CAVIN3: variants seen among roughly 807,000 people sequenced by gnomAD.
CAVIN3 encodes the protein caveolae associated protein 3, also known as caveolae-associated protein 3.
A neutral mutation model predicts 8.2 loss-of-function variants in CAVIN3; 11 were observed. The ratio of observed to expected loss-of-function variants is 1.35; its 90% CI spans 0.85 to 2.23. The LOEUF is 2.23. Ranked by LOEUF, CAVIN3 falls within the 30% of genes most tolerant of loss-of-function variation. The pLI, the probability that CAVIN3 is intolerant of heterozygous loss-of-function variation, is 0.00. For synonymous variants in CAVIN3, 191 were observed against 166.3 expected, an observed-to-expected ratio of 1.15 and a Z score of -1.14; for missense variants, 401 against 359.5, an observed-to-expected ratio of 1.12 and a Z score of -0.93.
At position 6,319,260 on chromosome 11, in the gene CAVIN3, G is replaced by A. The variant is rs150739333; in HGVS notation, c.689C>T (p.Pro230Leu). The A allele has an allele frequency of 1.9e-6, 3 of 1,604,962 alleles. No homozygotes were observed. The highest frequency in any genetic ancestry group is 2.6e-6 in the Non-Finnish European group (3 of 1,176,454). ...AQPEAQPALE[P>L]TLEPEPPQDT... ...CTGCGGAGGCTCTGGCTCCAGCGTG[G>A]GCTCCAGCGCAGGCTGGGCTTCCGG... The change falls in exon 2 of 2, where the codon CCC (proline) becomes CTC (leucine). Residue 230 changes from proline to leucine, a missense_variant. Physicochemically the swap from Pro to Leu is moderately conservative, Grantham distance 98. Transcript: ENST00000303927.
At chr11:6,320,045 C>T (rs751887893) in intron 1 of CAVIN3, 48 bp downstream of exon 1, 2 of 1,527,014 alleles carry the variant, frequency 1.3e-6, no homozygotes, top group Admixed American at 2.0e-5. Flanking sequence ...GCTGGTGGCC[C>T]ACAGGCCGGC....
At position 6,320,484 on chromosome 11, in the gene CAVIN3, G is replaced by T; in HGVS notation, c.-8C>A. 6.7e-7 allele frequency: 1 copy of T among 1,502,988 alleles called. No homozygotes were observed. The highest frequency in any genetic ancestry group is 8.8e-7 in the Non-Finnish European group (1 of 1,133,676). The allele number at this position is 1,502,988 out of a possible 1,614,324, so 93.1% of individuals were successfully genotyped here. A position where few individuals can be genotyped will look rare whatever the true frequency, so the allele number is the denominator to read the frequency against. ...CAACGCACTCTCCCTCATGATCCCT[G>T]ACCGCTCTGCTCCGTCTGCCTGCAA... On this transcript the variant is annotated 5_prime_UTR_variant, in exon 1 of 2. Transcript: ENST00000303927.
rs1051473110 is a variant in CAVIN3, at chr11:6,319,885, A to C, written c.384+208T>G. The C allele has an allele frequency of 1.3e-5, 9 of 698,108 alleles. No individual in the cohort carries two copies. In the African/African-American group the frequency reaches 1.6e-4, roughly 13 times the overall value. 43.2% of individuals were successfully genotyped at this position (698,108 alleles called of 1,614,324 possible). On this transcript the variant is annotated intron_variant, in intron 1 of 1. Transcript: ENST00000303927. Reference sequence around the variant, plus strand: ...CTGAGCTAGAGCTGGGCGGGCTTGGATTGGCCAGGCGGGGCTCAGGCGTGA... The same window carrying C: ...CTGAGCTAGAGCTGGGCGGGCTTGGCTTGGCCAGGCGGGGCTCAGGCGTGA...
Position 6,319,575 on chromosome 11 carries a change from C to T in CAVIN3, c.385-11G>A, listed in dbSNP as rs1166026851. 3.8e-6 allele frequency: 6 copies of T among 1,561,296 alleles called. No individual in the cohort carries two copies. The African/African-American group carries it at 4.1e-5, about 11-fold the overall frequency. ...GACTTCACCCTCCTCCTGCATGTGA[C>T]GGACACAGCACTGATCCTGGCAGCT... On this transcript the variant is annotated splice_polypyrimidine_tract_variant and intron_variant, in intron 1 of 1. Coordinates refer to ENST00000303927, the MANE Select transcript of CAVIN3 (RefSeq NM_145040.3).
chr11:6,320,367 T>C lies in CAVIN3; in HGVS notation c.110A>G (p.Glu37Gly). The C allele has an allele frequency of 6.3e-7, 1 of 1,585,296 alleles. No individual in the cohort carries two copies. The highest frequency in any genetic ancestry group is 8.5e-7 in the Non-Finnish European group (1 of 1,173,404). Residue 37 changes from glutamate to glycine, a missense_variant, in exon 1 of 2, where the codon GAG (glutamate) becomes GGG (glycine). Physicochemically the swap from Glu to Gly is moderately conservative, Grantham distance 98 (BLOSUM62 -2). Coordinates refer to ENST00000303927, the MANE Select transcript of CAVIN3 (RefSeq NM_145040.3). ...GCCTCCCTGCCGCTCCCGCAGAGTC[T>C]CCAGCATGGAGGCCAGCTTCTCCAG... ...TLLEKLASML[E>G]TLRERQGGLA...
Position 6,319,106 on chromosome 11 carries a change from G to A in CAVIN3, c.*57C>T, listed in dbSNP as rs1590694139. On this transcript the variant is annotated 3_prime_UTR_variant, in exon 2 of 2. Coordinates refer to ENST00000303927, the MANE Select transcript of CAVIN3 (RefSeq NM_145040.3). Reference sequence around the variant, plus strand: ...TATTAGGGCGTGAGTGCTACATTCTGAAAGGATTTATTTTGGGACAAGGCA... The same window carrying A: ...TATTAGGGCGTGAGTGCTACATTCTAAAAGGATTTATTTTGGGACAAGGCA... The A allele has an allele frequency of 3.3e-6, 5 of 1,493,724 alleles. No homozygotes were observed. The South Asian group carries it at 4.1e-5, about 12-fold the overall frequency. 92.5% of individuals were successfully genotyped at this position (1,493,724 alleles called of 1,614,324 possible). A position where few individuals can be genotyped will look rare whatever the true frequency, so the allele number is the denominator to read the frequency against.
Position 6,319,468 on chromosome 11 carries a change from C to G in CAVIN3, c.481G>C (p.Glu161Gln). The G allele has an allele frequency of 6.2e-7, 1 of 1,609,300 alleles. No homozygotes were observed. The highest frequency in any genetic ancestry group is 8.5e-7 in the Non-Finnish European group (1 of 1,179,270). Residue 161 changes from glutamate to glutamine, a missense_variant, in exon 2 of 2, where the codon GAA becomes CAA. Transcript: ENST00000303927. ...SELGPEQLEA[E>Q]VGESSDEEPV... ...TCCTCGTCCGAGCTCTCTCCAACTTCGGCCTCCAGCTGCTCTGGGCCCAGC... is the reference window on the plus strand; with the variant it reads ...TCCTCGTCCGAGCTCTCTCCAACTTGGGCCTCCAGCTGCTCTGGGCCCAGC...
In CAVIN3 at chr11:6,319,195, C is replaced by T. The variant is rs377635293; in HGVS notation, c.754G>A (p.Glu252Lys). The change falls in exon 2 of 2, where the codon GAA (glutamate) becomes AAA (lysine). Residue 252 changes from glutamate (E) to lysine (K), a missense_variant. Glu to Lys is a moderately conservative substitution (Grantham distance 56). Coordinates refer to ENST00000303927, the MANE Select transcript of CAVIN3 (RefSeq NM_145040.3). ...ACACTCTCCATTTGGAGCAGAGCTTCTTCGGCAGCCCCAGGTCTCCCGGGA... is the reference window on the plus strand; with the variant it reads ...ACACTCTCCATTTGGAGCAGAGCTTTTTCGGCAGCCCCAGGTCTCCCGGGA... ...EDPGRPGAAEEALLQMESVA is the reference protein window; with the variant it reads ...EDPGRPGAAEKALLQMESVA 41 of 1,541,002 alleles carry T rather than the reference C, an allele frequency of 2.7e-5. 1 individual carries two copies. The highest frequency in any genetic ancestry group is 1.8e-4 in the East Asian group (8 of 44,272).
Position 6,319,208 on chromosome 11 carries a change from A to G in CAVIN3, c.741T>C (p.Pro247=), listed in dbSNP as rs778670696. 6.4e-7 allele frequency: 1 copy of G among 1,551,768 alleles called. No individual in the cohort carries two copies. The highest frequency in any genetic ancestry group is 8.7e-7 in the Non-Finnish European group (1 of 1,153,428). ...GGAGCAGAGCTTCTTCGGCAGCCCC[A>G]GGTCTCCCGGGATCTTCCTCGGTGT... ...PQDTEEDPGR[P]GAAEEALLQM... Residue 247 remains proline (P), a synonymous_variant, in exon 2 of 2, where the codon CCT becomes CCC. Coordinates refer to ENST00000303927, the MANE Select transcript of CAVIN3 (RefSeq NM_145040.3).
rs1303672871 is a variant in CAVIN3, at chr11:6,320,174, G to GCGCAC, written c.298_302dup (p.Arg102CysfsTer161). The GCGCAC allele has an allele frequency of 6.4e-7, 1 of 1,571,760 alleles. No homozygotes were observed. Among genetic ancestry groups the GCGCAC allele is most frequent in the Non-Finnish European group, 8.6e-7 (1 of 1,167,272 alleles). ...CCAGCCGCTGCACCTGGGCTGCGCGGCGCACCGCGCGCTCTTGGGCGGCGT... is the reference window on the plus strand; with the variant it reads ...CCAGCCGCTGCACCTGGGCTGCGCGGCGCACCGCACCGCGCGCTCTTGGGCGGCGT... On this transcript the variant is annotated frameshift_variant, in exon 1 of 2. Coordinates refer to ENST00000303927, the MANE Select transcript of CAVIN3 (RefSeq NM_145040.3). LOFTEE classifies it high-confidence loss of function.
At position 6,319,050 on chromosome 11, in the gene CAVIN3, G is replaced by T; in HGVS notation, c.*113C>A. On this transcript the variant is annotated 3_prime_UTR_variant, in exon 2 of 2. Coordinates refer to ENST00000303927, the MANE Select transcript of CAVIN3 (RefSeq NM_145040.3). ...GGCTTAAGGAAGGGAGGGCCAGAGC[G>T]CCCGCCTTGGTGGATGTAGGATTCG... The T allele has an allele frequency of 8.8e-7, 1 of 1,133,330 alleles. No individual in the cohort carries two copies. Among genetic ancestry groups the T allele is most frequent in the African/African-American group, 1.6e-5 (1 of 62,704 alleles). 70.2% of individuals were successfully genotyped at this position (1,133,330 alleles called of 1,614,324 possible). A position where few individuals can be genotyped will look rare whatever the true frequency, so the allele number is the denominator to read the frequency against.
At chr11:6,319,679 GA>G in intron 1 of CAVIN3, 115 bp from the exon 2 acceptor site, 1 of 1,327,338 alleles carries the variant, frequency 7.5e-7, no homozygotes, top group Non-Finnish European at 1.0e-6. Flanking sequence ...AGTCTGGGGG[GA>G]AAGGCAGGCG....
At position 6,320,280 on chromosome 11, in the gene CAVIN3, G is replaced by C; in HGVS notation, c.197C>G (p.Ala66Gly). 6.4e-7 allele frequency: 1 copy of C among 1,566,284 alleles called. No individual in the cohort carries two copies. The highest frequency in any genetic ancestry group is 8.6e-7 in the Non-Finnish European group (1 of 1,163,418). The stretch of plus-strand genomic sequence containing the variant: ...GGTGGTGTCGTGGCTGCGACTCAGA[G>C]CGCCCAGGCCGCTCTGGATGCGGCG... ...SVRRIQSGLG[A>G]LSRSHDTTSN... The change falls in exon 1 of 2, where the codon GCT becomes GGT. Residue 66 changes from alanine (A) to glycine (G), a missense_variant. By Grantham distance (60) the Ala-to-Gly change is moderately conservative. Coordinates refer to ENST00000303927, the MANE Select transcript of CAVIN3 (RefSeq NM_145040.3).
In CAVIN3 at chr11:6,320,289, C is replaced by A; in HGVS notation, c.188G>T (p.Gly63Val). 1.3e-6 allele frequency: 2 copies of A among 1,566,090 alleles called. No homozygotes were observed. The highest frequency in any genetic ancestry group is 1.4e-5 in the African/African-American group (1 of 74,046). ...GTGGCTGCGACTCAGAGCGCCCAGG[C>A]CGCTCTGGATGCGGCGCACGGACCC... ...LAGSVRRIQS[G>V]LGALSRSHDT... is the part of the protein sequence containing the mutation. Residue 63 changes from glycine to valine, a missense_variant, in exon 1 of 2, where the codon GGC becomes GTC. Coordinates refer to ENST00000303927, the MANE Select transcript of CAVIN3 (RefSeq NM_145040.3).
In CAVIN3 at chr11:6,319,380, C is replaced by T. The variant is rs376757809; in HGVS notation, c.569G>A (p.Arg190Gln). The T allele has an allele frequency of 9.7e-5, 155 of 1,600,244 alleles. No homozygotes were observed. The highest frequency in any genetic ancestry group is 1.3e-4 in the Non-Finnish European group (150 of 1,174,894). ...RTGLQKVQSL[R>Q]RALSGRKGPA... Reference sequence around the variant, plus strand: ...GCCTTTCCGGCCCGAAAGGGCCCTTCGGAGGCTCTGTACCTTCTGCAATCC... The same window carrying T: ...GCCTTTCCGGCCCGAAAGGGCCCTTTGGAGGCTCTGTACCTTCTGCAATCC... The change falls in exon 2 of 2, where the codon CGA becomes CAA. Residue 190 changes from arginine (R) to glutamine (Q), a missense_variant. Transcript: ENST00000303927.
At position 6,319,933 on chromosome 11, in the gene CAVIN3, T is replaced by C. The variant is rs188112981; in HGVS notation, c.384+160A>G. ...TGAGAGGGAGGGATGGGGCTGGGTCTTGGGAAGTGGGTGCGGCTCTGTGAG... is the reference window on the plus strand; with the variant it reads ...TGAGAGGGAGGGATGGGGCTGGGTCCTGGGAAGTGGGTGCGGCTCTGTGAG... On this transcript the variant is annotated intron_variant, in intron 1 of 1. Coordinates refer to ENST00000303927, the MANE Select transcript of CAVIN3 (RefSeq NM_145040.3). The C allele has an allele frequency of 1.1e-5, 9 of 855,632 alleles. No homozygotes were observed. In the Admixed American group the frequency reaches 2.6e-4, roughly 24 times the overall value. The allele number at this position is 855,632 out of a possible 1,614,324, so 53.0% of individuals were successfully genotyped here. A position where few individuals can be genotyped will look rare whatever the true frequency, so the allele number is the denominator to read the frequency against.
Position 6,319,290 on chromosome 11 carries a change from G to C in CAVIN3, c.659C>G (p.Ala220Gly). The change falls in exon 2 of 2, where the codon GCC (alanine) becomes GGC (glycine). Residue 220 changes from alanine (A) to glycine (G), a missense_variant. Physicochemically the swap from Ala to Gly is moderately conservative, Grantham distance 60 (BLOSUM62 0). Coordinates refer to ENST00000303927, the MANE Select transcript of CAVIN3 (RefSeq NM_145040.3). Reference protein sequence around the residue: ...PRLGPGRSAEAQPEAQPALEP... With the variant: ...PRLGPGRSAEGQPEAQPALEP... ...CAGCGCAGGCTGGGCTTCCGGCTGG[G>C]CTTCAGCGCTCCGGCCAGGCCCAAG... 6.2e-7 allele frequency: 1 copy of C among 1,609,370 alleles called. No individual in the cohort carries two copies. Among genetic ancestry groups the C allele is most frequent in the South Asian group, 1.1e-5 (1 of 90,528 alleles).
In CAVIN3 at chr11:6,320,309, G is replaced by C. The variant is rs767093049; in HGVS notation, c.168C>G (p.Ser56=). Reference sequence around the variant, plus strand: ...CCAGGCCGCTCTGGATGCGGCGCACGGACCCTGCCAGGCCTCCCTGCCTTC... The same window carrying C: ...CCAGGCCGCTCTGGATGCGGCGCACCGACCCTGCCAGGCCTCCCTGCCTTC... ...LARRQGGLAG[S]VRRIQSGLGA... Residue 56 remains serine, a synonymous_variant, in exon 1 of 2, where the codon TCC becomes TCG. Coordinates refer to ENST00000303927, the MANE Select transcript of CAVIN3 (RefSeq NM_145040.3). 2 of 1,565,560 alleles carry C rather than the reference G, an allele frequency of 1.3e-6. No homozygotes were observed. The highest frequency in any genetic ancestry group is 1.2e-5 in the South Asian group (1 of 86,916).
chr11:6,320,199 T>C lies in CAVIN3; in HGVS notation c.278A>G (p.Asn93Ser), dbSNP rs754175798. The C allele has an allele frequency of 1.3e-6, 2 of 1,567,886 alleles. No individual in the cohort carries two copies. The highest frequency in any genetic ancestry group is 4.7e-5 in the East Asian group (2 of 42,810). ...GCGCACCGCGCGCTCTTGGGCGGCG[T>C]TGGCGTGCGAGCTCACGCGCTCCGC... ...AKAERVSSHA[N>S]AAQERAVRRA... Residue 93 changes from asparagine (N) to serine (S), a missense_variant, in exon 1 of 2, where the codon AAC becomes AGC. Coordinates refer to ENST00000303927, the MANE Select transcript of CAVIN3 (RefSeq NM_145040.3).
Sources: allele counts gnomAD v4.1 joint callset, GRCh38; gene constraint gnomAD v4.1.1; transcripts MANE v1.5; gene names NCBI Gene and HGNC (gene_info 2026-07-23, HGNC 2026-07-21).